Variants in NOXRED1 observed in about 807,000 individuals in gnomAD.
NOXRED1 encodes the protein NADP-dependent oxidoreductase domain-containing protein 1.
In NOXRED1, 20 loss-of-function variants were observed where a neutral mutation model predicts 30.4. The ratio of observed to expected loss-of-function variants is 0.66; its 90% confidence interval spans 0.46 to 0.96. NOXRED1 has a LOEUF of 0.96. Ranked by LOEUF, NOXRED1 falls within the 40% of genes least tolerant of loss-of-function variation. The pLI is 0.00. For missense variants in NOXRED1, 374 were observed against 428.0 expected, an observed-to-expected ratio of 0.87 and a Z score of 1.11; for synonymous variants, 155 against 168.0, an observed-to-expected ratio of 0.92 and a Z score of 0.60.
intron 5 of NOXRED1, among the ~76,000 whole-genome samples, chr14:77,405,478 A>C (rs1419085246): frequency 6.6e-6 from 1 of 152,222 alleles, no homozygotes; most frequent in Non-Finnish European, 1.5e-5. Flanking sequence ...CATCTCTATC[A>C]AGTGGAAAAG....
chr14:77,418,489 T>G (rs1313245036), intron 1 of NOXRED1, among the ~76,000 whole-genome samples: 3 of 151,376 alleles, frequency 2.0e-5, no homozygotes, highest in African/African-American at 7.2e-5. Context: ...TAATTTTATT[T>G]TATACATTTT....
intron 1 of NOXRED1, 145 bp downstream of exon 1, chr14:77,422,590 C>A: frequency 1.3e-6 from 1 of 772,462 alleles, no homozygotes; most frequent in Non-Finnish European, 2.2e-6. Context: ...CCTTTTAGAC[C>A]AGGAGTCATT....
intron 5 of NOXRED1, among the ~76,000 whole-genome samples, chr14:77,396,860 A>G (rs76790107): frequency 0.019 from 2,958 of 152,316 alleles, 89 homozygotes; most frequent in African/African-American, 0.067. Flanking sequence ...TTTTCCAAAA[A>G]TTGATCTATA....
Position 77,406,860 on chromosome 14 carries a change from C to G in NOXRED1, c.546G>C (p.Leu182Phe). 6.2e-7 allele frequency: 1 copy of G among 1,613,866 alleles called. No homozygotes were observed. Among genetic ancestry groups the G allele is most frequent in the South Asian group, 1.1e-5 (1 of 91,044 alleles). The change falls in exon 4 of 6, where the codon TTG becomes TTC. Residue 182 changes from leucine to phenylalanine, a missense_variant. Physicochemically the swap from Leu to Phe is conservative, Grantham distance 22. Transcript: ENST00000380835. ...GAGGCCGCAAGATATTGGTGTGGTT[C>G]AACAGTAGTTTCAGCCTGGAAGTAA... ...AIPLPRLKLL[L>F]NHTNILRPQY... is the part of the protein sequence containing the mutation.
chr14:77,394,572 G>T lies in NOXRED1; in HGVS notation c.*59C>A. The T allele has an allele frequency of 7.7e-7, 1 of 1,297,914 alleles. No individual in the cohort carries two copies. Among genetic ancestry groups the T allele is most frequent in the South Asian group, 1.3e-5 (1 of 78,044 alleles). 80.4% of individuals were successfully genotyped at this position (1,297,914 alleles called of 1,614,324 possible). A position where few individuals can be genotyped will look rare whatever the true frequency, so the allele number is the denominator to read the frequency against. The stretch of plus-strand genomic sequence containing the variant: ...TCCCACAGTCAATTGTGATAATCAG[G>T]GCACAACTATTATAGGGAAAATCTG... On this transcript the variant is annotated 3_prime_UTR_variant, in exon 6 of 6. Coordinates refer to ENST00000380835, the MANE Select transcript of NOXRED1 (RefSeq NM_001113475.3).
chr14:77,406,720 T>C lies in NOXRED1; in HGVS notation c.682+4A>G. 2 of 1,613,900 alleles carry C rather than the reference T, an allele frequency of 1.2e-6. No homozygotes were observed. Among genetic ancestry groups the C allele is most frequent in the Non-Finnish European group, 1.7e-6 (2 of 1,179,864 alleles). ...AGAATGCCAGAAATATGTTGAGCCG[T>C]GACCAGCAGGACTGTAGGGACAGGT... On this transcript the variant is annotated splice_donor_region_variant and intron_variant, in intron 4 of 5. Coordinates refer to ENST00000380835, the MANE Select transcript of NOXRED1 (RefSeq NM_001113475.3).
intron 5 of NOXRED1, among the ~76,000 whole-genome samples, chr14:77,400,517 T>C (rs560392202): frequency 1.3e-5 from 2 of 152,326 alleles, no homozygotes; most frequent in South Asian, 4.2e-4. Flanking sequence ...CATCAATCAC[T>C]ATATGTAAGA....
intron 5 of NOXRED1, among the ~76,000 whole-genome samples, chr14:77,396,312 T>C (rs6574370): frequency 0.56 from 83,173 of 149,266 alleles, 25,721 homozygotes; most frequent in African/African-American, 0.83. Context: ...TGCGATGGTG[T>C]GATCTCAGCT....
At chr14:77,407,867 C>CT (rs556726067) in intron 2 of NOXRED1, among the ~76,000 whole-genome samples, 60,890 of 137,358 alleles carry the variant, frequency 0.44, 15,399 homozygotes, top group East Asian at 0.9. Context: ...TATAATTCAT[C>CT]TTTTTTTTTT....
intron 5 of NOXRED1, 25 bp from the exon 6 acceptor site, chr14:77,394,830 T>C (rs772126562): frequency 1.9e-6 from 3 of 1,576,590 alleles, no homozygotes; most frequent in African/African-American, 1.3e-5. Context: ...ATATTGTTAC[T>C]TTTTTATGTC....
intron 2 of NOXRED1, among the ~76,000 whole-genome samples, chr14:77,408,892 A>ATTTTTTTT (rs1177680524): frequency 0.016 from 1,088 of 68,034 alleles, 217 homozygotes; most frequent in African/African-American, 0.052. Context: ...CTGGTAGTTA[A>ATTTTTTTT]TTTTTTTTTT....
intron 5 of NOXRED1, among the ~76,000 whole-genome samples, chr14:77,398,103 T>G (rs1894235262): frequency 1.3e-5 from 2 of 152,118 alleles, no homozygotes; most frequent in Admixed American, 1.3e-4. Context: ...GAGAAACCCA[T>G]GAGCTGAAAC....
intron 4 of NOXRED1, 68 bp from the exon 5 acceptor site, chr14:77,406,203 A>T: frequency 8.7e-7 from 1 of 1,145,362 alleles, no homozygotes; most frequent in Non-Finnish European, 1.3e-6. Context: ...AACCTAGAAT[A>T]AACCCCTGAC....
Position 77,407,481 on chromosome 14 carries a change from C to T in NOXRED1, c.514G>A (p.Ala172Thr). 6.2e-7 allele frequency: 1 copy of T among 1,613,510 alleles called. No homozygotes were observed. Among genetic ancestry groups the T allele is most frequent in the Non-Finnish European group, 8.5e-7 (1 of 1,179,460 alleles). ...KASIVYSFVA[A>T]IPLPRLKLLL... Reference sequence around the variant, plus strand: ...ACAAGATACCTGGGTAGTGGGATGGCAGCTACAAAGCTGTACACAATGCTG... The same window carrying T: ...ACAAGATACCTGGGTAGTGGGATGGTAGCTACAAAGCTGTACACAATGCTG... Residue 172 changes from alanine to threonine, a missense_variant, in exon 3 of 6, where the codon GCC (alanine) becomes ACC (threonine). Physicochemically the swap from Ala to Thr is moderately conservative, Grantham distance 58. Transcript: ENST00000380835.
In NOXRED1 at chr14:77,394,732, G is replaced by A. The variant is rs375720829; in HGVS notation, c.979C>T (p.Pro327Ser). ...TGGGTAAGGTGGTCTTGGAGAACAG[G>A]ACTACTTGAGAGATGCTGGCTAAAC... ...TPFSQHLSSS[P>S]VLQDHLTHLY... Residue 327 changes from proline (P) to serine (S), a missense_variant, in exon 6 of 6, where the codon CCT (proline) becomes TCT (serine). Coordinates refer to ENST00000380835, the MANE Select transcript of NOXRED1 (RefSeq NM_001113475.3). 97 of 1,612,986 alleles carry A rather than the reference G, an allele frequency of 6.0e-5. No individual in the cohort carries two copies. The highest frequency in any genetic ancestry group is 8.0e-5 in the Non-Finnish European group (94 of 1,179,106).
Position 77,415,181 on chromosome 14 carries a change from AAC to A in NOXRED1, c.156-1056_156-1055del, listed in dbSNP as rs57039967. 4.2e-3 allele frequency among the ~76,000 whole-genome samples: 621 copies of A among 149,498 alleles called. 4 individuals carry two copies. Among genetic ancestry groups the A allele is most frequent in the African/African-American group, 0.014 (563 of 40,422 alleles). ...ACAGAGCAAGACCCTGTCTCAGGAA[AAC>A]ACACACACACACACACACACACACA... On this transcript the variant is annotated intron_variant, in intron 1 of 5. Transcript: ENST00000380835.
Position 77,415,089 on chromosome 14 carries a change from T to C in NOXRED1, c.156-962A>G, listed in dbSNP as rs186751044. Among the ~76,000 whole-genome samples the C allele has an allele frequency of 2.1e-3, 315 of 152,020 alleles. 2 individuals are homozygous for C. Among genetic ancestry groups the C allele is most frequent in the African/African-American group, 7.2e-3 (297 of 41,428 alleles). ...TACCCAGGAGGCTGAGGTGGGAGGATTGCTTGAGCCCAGGAGTTTGAGGCT... is the reference window on the plus strand; with the variant it reads ...TACCCAGGAGGCTGAGGTGGGAGGACTGCTTGAGCCCAGGAGTTTGAGGCT... On this transcript the variant is annotated intron_variant, in intron 1 of 5. Coordinates refer to ENST00000380835, the MANE Select transcript of NOXRED1 (RefSeq NM_001113475.3).
In NOXRED1 at chr14:77,423,226, A is replaced by G. The variant is rs971000190; in HGVS notation, c.-337T>C. On this transcript the variant is annotated 5_prime_UTR_variant, in exon 1 of 6. Coordinates refer to ENST00000380835, the MANE Select transcript of NOXRED1 (RefSeq NM_001113475.3). ...TTCGGCAGATGAATTTACAACAGCA[A>G]TTGAGTTTTACAGGTATTCTTGGGC... is the stretch of plus-strand genomic sequence containing the variant. Among the ~76,000 whole-genome samples, 3 of 152,194 alleles carry G rather than the reference A, an allele frequency of 2.0e-5. No individual in the cohort carries two copies. The highest frequency in any genetic ancestry group is 1.5e-5 in the Non-Finnish European group (1 of 68,032).
At chr14:77,398,843 C>T (rs1894250950) in intron 5 of NOXRED1, among the ~76,000 whole-genome samples, 1 of 151,962 alleles carries the variant, frequency 6.6e-6, no homozygotes, top group South Asian at 2.1e-4. Context: ...GTGGCGGGCA[C>T]CTGTAATCCC....
Sources: allele counts gnomAD v4.1 joint callset (sites outside exome capture counted in the v4.1 genomes callset), GRCh38; gene constraint gnomAD v4.1.1; transcripts MANE v1.5; gene names NCBI Gene and HGNC (gene_info 2026-07-23, HGNC 2026-07-21).